Variants in ZNF207 observed in about 807,000 individuals in gnomAD.
ZNF207 encodes zinc finger protein 207.
A neutral mutation model predicts 60.2 loss-of-function variants in ZNF207; 24 were observed. The observed-to-expected ratio is 0.40, with a 90% confidence interval of 0.29 to 0.56. ZNF207 has a LOEUF of 0.56. ZNF207 is among the 20% of genes least tolerant of loss of function. The probability of loss-of-function intolerance (pLI) is 0.49; values close to 1 mark genes in which losing one functional copy is unlikely to be tolerated. For missense variants in ZNF207, 452 were observed against 636.6 expected, an observed-to-expected ratio of 0.71 and a Z score of 3.12; for synonymous variants, 236 against 194.7, an observed-to-expected ratio of 1.21 and a Z score of -1.77.
chr17:32,379,616 T>G lies in ZNF207; in HGVS notation c.*9857T>G, dbSNP rs887641381. 4.6e-5 allele frequency: 7 copies of G among 152,134 alleles called. No individual in the cohort carries two copies. Among genetic ancestry groups the G allele is most frequent in the African/African-American group, 1.7e-4 (7 of 41,430 alleles). 9.4% of individuals were successfully genotyped at this position (152,134 alleles called of 1,614,324 possible). ...ATTCTGTTCTTGTTGAAGCTGTTGT[T>G]GTGGTGATTCATGAGCAGTAAGCTG... is the stretch of plus-strand genomic sequence containing the variant. On this transcript the variant is annotated 3_prime_UTR_variant, in exon 12 of 12. Coordinates refer to ENST00000394670, the MANE Select transcript of ZNF207 (RefSeq NM_001098507.2).
chr17:32,358,910 T>C (rs988352848), intron 3 of ZNF207, among the ~76,000 whole-genome samples: 8 of 151,764 alleles, frequency 5.3e-5, no homozygotes, highest in Non-Finnish European at 1.2e-4. Context: ...AGCCATTCTC[T>C]TGACTTGGCC....
rs1258509806 is a variant in ZNF207, at chr17:32,379,087, T to C, written c.*9328T>C. ...ATCTTACAAGATAACCACTTGTTTT[T>C]TAATGTAAAATTGCACAAGGGCTTA... On this transcript the variant is annotated 3_prime_UTR_variant, in exon 12 of 12. Transcript: ENST00000394670. The C allele has an allele frequency of 6.6e-6, 1 of 152,136 alleles. No individual in the cohort carries two copies. Among genetic ancestry groups the C allele is most frequent in the African/African-American group, 2.4e-5 (1 of 41,458 alleles). 9.4% of individuals were successfully genotyped at this position (152,136 alleles called of 1,614,324 possible).
At chr17:32,359,679 A>G (rs1406582593) in intron 3 of ZNF207, among the ~76,000 whole-genome samples, 1 of 152,152 alleles carries the variant, frequency 6.6e-6, no homozygotes, top group East Asian at 1.9e-4. Context: ...AGTGCAGGAA[A>G]ATTGCTTGAG....
Position 32,380,988 on chromosome 17 carries a change from A to C in ZNF207, c.*11229A>C, listed in dbSNP as rs957896715. ...AAAAAGAAAAAAAGAAAAAGTGATA[A>C]GATTTGGGAGTCTATTCCCTGGGAT... is the stretch of plus-strand genomic sequence containing the variant. On this transcript the variant is annotated 3_prime_UTR_variant, in exon 12 of 12. Transcript: ENST00000394670. 6.6e-6 allele frequency: 1 copy of C among 152,268 alleles called. No individual in the cohort carries two copies. The highest frequency in any genetic ancestry group is 6.5e-5 in the Admixed American group (1 of 15,288). The allele number at this position is 152,268 out of a possible 1,614,324, so 9.4% of individuals were successfully genotyped here. A position where few individuals can be genotyped will look rare whatever the true frequency, so the allele number is the denominator to read the frequency against.
At chr17:32,354,724 C>T (rs903773510) in intron 2 of ZNF207, among the ~76,000 whole-genome samples, 4 of 152,110 alleles carry the variant, frequency 2.6e-5, no homozygotes, top group African/African-American at 9.7e-5. Flanking sequence ...AGCAATTCTC[C>T]TGCCTCAGCC....
chr17:32,365,238 GTTAA>G, intron 7 of ZNF207, 88 bp from the exon 8 acceptor site: 4 of 1,360,446 alleles, frequency 2.9e-6, no homozygotes, highest in Non-Finnish European at 4.0e-6. Flanking sequence ...TCATTGAGCA[GTTAA>G]TTGTTAATAA....
In ZNF207 at chr17:32,381,021, T is replaced by A. The variant is rs1312123161; in HGVS notation, c.*11262T>A. 6.6e-6 allele frequency: 1 copy of A among 152,170 alleles called. No homozygotes were observed. The highest frequency in any genetic ancestry group is 6.5e-5 in the Admixed American group (1 of 15,272). The allele number at this position is 152,170 out of a possible 1,614,324, so 9.4% of individuals were successfully genotyped here. A position where few individuals can be genotyped will look rare whatever the true frequency, so the allele number is the denominator to read the frequency against. The stretch of plus-strand genomic sequence containing the variant: ...GAGTCTATTCCCTGGGATGTTCTAT[T>A]AATAATAAAGTGATAATAAATGAAG... On this transcript the variant is annotated 3_prime_UTR_variant, in exon 12 of 12. Coordinates refer to ENST00000394670, the MANE Select transcript of ZNF207 (RefSeq NM_001098507.2).
At chr17:32,350,557 G>C (rs986166958) in intron 1 of ZNF207, among the ~76,000 whole-genome samples, 13 of 152,170 alleles carry the variant, frequency 8.5e-5, no homozygotes, top group Non-Finnish European at 1.9e-4. Flanking sequence ...GGAGGATCTT[G>C]TTCGGTGCGA....
rs1905863157 is a variant in ZNF207, at chr17:32,381,028, A to G, written c.*11269A>G. The stretch of plus-strand genomic sequence containing the variant: ...TTCCCTGGGATGTTCTATTAATAAT[A>G]AAGTGATAATAAATGAAGGTTAAAG... On this transcript the variant is annotated 3_prime_UTR_variant, in exon 12 of 12. Coordinates refer to ENST00000394670, the MANE Select transcript of ZNF207 (RefSeq NM_001098507.2). 6.6e-6 allele frequency: 1 copy of G among 152,236 alleles called. No individual in the cohort carries two copies. Among genetic ancestry groups the G allele is most frequent in the South Asian group, 2.1e-4 (1 of 4,834 alleles). 9.4% of individuals were successfully genotyped at this position (152,236 alleles called of 1,614,324 possible).
At position 32,378,737 on chromosome 17, in the gene ZNF207, C is replaced by T. The variant is rs1255074140; in HGVS notation, c.*8978C>T. On this transcript the variant is annotated 3_prime_UTR_variant, in exon 12 of 12. Coordinates refer to ENST00000394670, the MANE Select transcript of ZNF207 (RefSeq NM_001098507.2). ...TACCCGAGTTCATTGTTGTTTGAACCATCCTCTAAAGATTTCCTTTAACCT... is the reference window on the plus strand; with the variant it reads ...TACCCGAGTTCATTGTTGTTTGAACTATCCTCTAAAGATTTCCTTTAACCT... 1 of 151,806 alleles carries T rather than the reference C, an allele frequency of 6.6e-6. No individual in the cohort carries two copies. The highest frequency in any genetic ancestry group is 1.9e-4 in the East Asian group (1 of 5,186). 9.4% of individuals were successfully genotyped at this position (151,806 alleles called of 1,614,324 possible).
chr17:32,367,666 G>A lies in ZNF207; in HGVS notation c.922-106G>A, dbSNP rs1053714856. 111 of 1,404,616 alleles carry A rather than the reference G, an allele frequency of 7.9e-5. No homozygotes were observed. In the Middle Eastern group the frequency reaches 9.9e-4, roughly 13 times the overall value. 87.0% of individuals were successfully genotyped at this position (1,404,616 alleles called of 1,614,324 possible). A position where few individuals can be genotyped will look rare whatever the true frequency, so the allele number is the denominator to read the frequency against. On this transcript the variant is annotated intron_variant, in intron 9 of 11. Coordinates refer to ENST00000394670, the MANE Select transcript of ZNF207 (RefSeq NM_001098507.2). ...TAACTTTGTATTAATTTCATTTAAA[G>A]TTTGGTCCTTTATTTAATGTTGATG...
chr17:32,357,336 A>ATTTTTTTTT (rs1419043137), intron 2 of ZNF207, among the ~76,000 whole-genome samples: 1 of 87,906 alleles, frequency 1.1e-5, no homozygotes, highest in Admixed American at 1.1e-4. Context: ...TATTATTATT[A>ATTTTTTTTT]TTATTATTAT....
Position 32,372,307 on chromosome 17 carries a change from A to G in ZNF207, c.*2548A>G, listed in dbSNP as rs1040634871. 2.0e-5 allele frequency: 3 copies of G among 152,192 alleles called. No individual in the cohort carries two copies. Among genetic ancestry groups the G allele is most frequent in the Non-Finnish European group, 4.4e-5 (3 of 68,038 alleles). 9.4% of individuals were successfully genotyped at this position (152,192 alleles called of 1,614,324 possible). A position where few individuals can be genotyped will look rare whatever the true frequency, so the allele number is the denominator to read the frequency against. ...AGATTGAGACTCCGTCTCAAAAAAA[A>G]AAAATGCTGTGATTAAATTTAGAAT... is the stretch of plus-strand genomic sequence containing the variant. On this transcript the variant is annotated 3_prime_UTR_variant, in exon 12 of 12. Coordinates refer to ENST00000394670, the MANE Select transcript of ZNF207 (RefSeq NM_001098507.2).
chr17:32,367,242 TATATATATA>T (rs1567824705), intron 9 of ZNF207, among the ~76,000 whole-genome samples: 5 of 43,888 alleles, frequency 1.1e-4, no homozygotes, highest in Non-Finnish European at 2.0e-4. Context: ...GAGGGGATTA[TATATATATA>T]TATATATATA....
chr17:32,361,142 C>T, intron 5 of ZNF207, 175 bp downstream of exon 5: 1 of 726,680 alleles, frequency 1.4e-6, no homozygotes, highest in African/African-American at 1.8e-5. Context: ...ATAAATTTGC[C>T]TCTGAGTAAT....
At chr17:32,364,737 A>G (rs924168579) in intron 7 of ZNF207, among the ~76,000 whole-genome samples, 2 of 152,250 alleles carry the variant, frequency 1.3e-5, no homozygotes, top group African/African-American at 2.4e-5. Flanking sequence ...GTAAATGGAC[A>G]CAGGAAAAAT....
chr17:32,358,539 A>G lies in ZNF207; in HGVS notation c.205A>G (p.Ile69Val), dbSNP rs1048927566. 6.4e-7 allele frequency: 1 copy of G among 1,570,410 alleles called. No individual in the cohort carries two copies. Among genetic ancestry groups the G allele is most frequent in the African/African-American group, 1.4e-5 (1 of 72,080 alleles). ...AACAATAGATGCCGTACCAAATGCA[A>G]TACCTGGAAGAACAGACATAGAGTT... is the stretch of plus-strand genomic sequence containing the variant. ...KETIDAVPNA[I>V]PGRTDIELEI... Residue 69 changes from isoleucine (I) to valine (V), a missense_variant, in exon 3 of 12, where the codon ATA becomes GTA. Ile to Val is a conservative substitution (Grantham distance 29). Coordinates refer to ENST00000394670, the MANE Select transcript of ZNF207 (RefSeq NM_001098507.2).
chr17:32,367,676 T>C, intron 9 of ZNF207, 96 bp from the exon 10 acceptor site: 2 of 1,478,540 alleles, frequency 1.4e-6, no homozygotes, highest in Non-Finnish European at 1.8e-6. Context: ...GTTTGGTCCT[T>C]TATTTAATGT....
chr17:32,373,359 G>T lies in ZNF207; in HGVS notation c.*3600G>T. 1.5e-6 allele frequency: 1 copy of T among 662,970 alleles called. No homozygotes were observed. Among genetic ancestry groups the T allele is most frequent in the Non-Finnish European group, 2.7e-6 (1 of 371,318 alleles). The allele number at this position is 662,970 out of a possible 1,614,324, so 41.1% of individuals were successfully genotyped here. On this transcript the variant is annotated 3_prime_UTR_variant, in exon 12 of 12. Transcript: ENST00000394670. ...AATGCATGTCTTTTAAATTAATTGG[G>T]AACTGTTTTTCTAAAATTAAAATTT...
Sources: gnomAD v4.1 joint callset for allele counts (sites outside exome capture counted in the v4.1 genomes callset) on GRCh38, gnomAD v4.1.1 for gene constraint, MANE v1.5 for transcripts, NCBI Gene and HGNC (gene_info 2026-07-23, HGNC 2026-07-21) for gene names.